Variants in DIP2C observed in about 807,000 individuals in gnomAD.
DIP2C encodes the protein disco-interacting protein 2 homolog C.
Under a neutral mutation model 192.4 loss-of-function variants are expected in DIP2C, and 33 were observed. The observed-to-expected ratio is 0.17, with a 90% CI of 0.13 to 0.23. The LOEUF (loss-of-function observed/expected upper bound fraction) is 0.23, where lower values mean the gene tolerates loss of function less well. Ranked by LOEUF, DIP2C falls within the 10% of genes least tolerant of loss-of-function variation. The pLI is 1.00. For missense variants in DIP2C, 1,537 were observed against 2,110.1 expected, an observed-to-expected ratio of 0.73 and a Z score of 5.32; for synonymous variants, 979 against 864.1, an observed-to-expected ratio of 1.13 and a Z score of -2.33.
rs1847047212 is a variant in DIP2C at position 526,313 on chromosome 10, T to C, written c.86-39783A>G. ...GCTAAATACTTGAAGGTGTGAATTT[T>C]ATTACATAAAATTTAGAAAAATGTG... On this transcript the variant is annotated intron_variant, in intron 1 of 36. Transcript: ENST00000280886. 2.0e-5 allele frequency among the ~76,000 whole-genome samples: 3 copies of C among 152,246 alleles called. No individual in the cohort carries two copies. In the South Asian group the frequency reaches 6.2e-4, roughly 31 times the overall value.
chr10:576,305 C>T (rs1253419669), intron 1 of DIP2C, among the ~76,000 whole-genome samples: 1 of 152,244 alleles, frequency 6.6e-6, no homozygotes, highest in Non-Finnish European at 1.5e-5. Context: ...GACCACATCA[C>T]ACTCGAGCAC....
intron 1 of DIP2C, among the ~76,000 whole-genome samples, chr10:603,722 T>C (rs1434225551): frequency 6.6e-6 from 1 of 152,176 alleles, no homozygotes; most frequent in African/African-American, 2.4e-5. Flanking sequence ...ATAGATACAA[T>C]GCATTAACTT....
At chr10:627,112 G>C (rs888003005) in intron 1 of DIP2C, among the ~76,000 whole-genome samples, 1 of 152,274 alleles carries the variant, frequency 6.6e-6, no homozygotes, top group Non-Finnish European at 1.5e-5. Flanking sequence ...GGGGCTCAGA[G>C]ATGGGTGGTC....
At chr10:548,377 C>G (rs1409852517) in intron 1 of DIP2C, among the ~76,000 whole-genome samples, 1 of 144,676 alleles carries the variant, frequency 6.9e-6, no homozygotes, top group Non-Finnish European at 1.5e-5. Context: ...GAGCAGAAGA[C>G]GGGAAAAGAG....
In DIP2C at chr10:567,200, T is replaced by G. The variant is rs568037561; in HGVS notation, c.86-80670A>C. 0.01 allele frequency among the ~76,000 whole-genome samples: 873 copies of G among 87,114 alleles called. 11 individuals carry two copies. The African/African-American group carries it at 0.12, about 12-fold the overall frequency. The allele number at this position is 87,114 out of a possible 152,430, so 57.2% of individuals were successfully genotyped here. A position where few individuals can be genotyped will look rare whatever the true frequency, so the allele number is the denominator to read the frequency against. ...TGGGGGGTTTTTTGTTTTGTTTTGTTTTTTTTAAGACACAATATCACTCTG... is the reference window on the plus strand; with the variant it reads ...TGGGGGGTTTTTTGTTTTGTTTTGTGTTTTTTAAGACACAATATCACTCTG... On this transcript the variant is annotated intron_variant, in intron 1 of 36. Transcript: ENST00000280886.
At chr10:289,243 G>C (rs1489858582) in intron 32 of DIP2C, among the ~76,000 whole-genome samples, 1 of 150,320 alleles carries the variant, frequency 6.7e-6, no homozygotes, top group Non-Finnish European at 1.5e-5. Flanking sequence ...GGGCTCCTGA[G>C]ACACCCTTCC....
At chr10:394,260 A>C (rs1963754789) in intron 10 of DIP2C, among the ~76,000 whole-genome samples, 2 of 152,114 alleles carry the variant, frequency 1.3e-5, no homozygotes, top group Admixed American at 1.3e-4. Flanking sequence ...CCTGTGCTGA[A>C]CCGGAAGGAC....
At chr10:545,616 C>CA (rs1374152545) in intron 1 of DIP2C, among the ~76,000 whole-genome samples, 4 of 152,202 alleles carry the variant, frequency 2.6e-5, no homozygotes, top group Admixed American at 2.0e-4. Flanking sequence ...CCCAGGCTTC[C>CA]AGCCTCCAGA....
At chr10:672,524 C>T (rs1476795741) in intron 1 of DIP2C, among the ~76,000 whole-genome samples, 1 of 152,222 alleles carries the variant, frequency 6.6e-6, no homozygotes. Context: ...TCAAATGCGG[C>T]TGCAATCCCT....
intron 18 of DIP2C, among the ~76,000 whole-genome samples, chr10:367,757 C>T (rs960244695): frequency 1.3e-5 from 2 of 152,216 alleles, no homozygotes; most frequent in Non-Finnish European, 2.9e-5. Flanking sequence ...TTGAGAACAC[C>T]GCGGAGCTCG....
At chr10:302,653 C>T (rs188442252) in intron 32 of DIP2C, among the ~76,000 whole-genome samples, 1 of 152,334 alleles carries the variant, frequency 6.6e-6, no homozygotes, top group East Asian at 1.9e-4. Flanking sequence ...GCCTCCTACG[C>T]TCCTATGCTG....
chr10:499,088 G>T (rs1845050613), intron 1 of DIP2C, among the ~76,000 whole-genome samples: 1 of 152,152 alleles, frequency 6.6e-6, no homozygotes, highest in South Asian at 2.1e-4. Flanking sequence ...TCCTTTTTCA[G>T]ACTTTGAAAA....
At chr10:359,861 T>C (rs1411502473) in intron 22 of DIP2C, among the ~76,000 whole-genome samples, 1 of 152,188 alleles carries the variant, frequency 6.6e-6, no homozygotes, top group Non-Finnish European at 1.5e-5. Flanking sequence ...GCTCCACTGA[T>C]TCTCCCATCC....
At chr10:297,192 A>AAAAAC (rs1331191292) in intron 32 of DIP2C, among the ~76,000 whole-genome samples, 44 of 151,426 alleles carry the variant, frequency 2.9e-4, no homozygotes, top group South Asian at 1.5e-3. Flanking sequence ...AGACTGTCTC[A>AAAAAC]AAAACAAAAC....
Position 397,589 on chromosome 10 carries a change from T to C in DIP2C, c.1260+1520A>G, listed in dbSNP as rs975211676. Reference sequence around the variant, plus strand: ...TTTAAGGGCAGTGTGCACAGGCACATTGCAGGTTCAGACCTGGGCAGTCCC... The same window carrying C: ...TTTAAGGGCAGTGTGCACAGGCACACTGCAGGTTCAGACCTGGGCAGTCCC... On this transcript the variant is annotated intron_variant, in intron 10 of 36. Coordinates refer to ENST00000280886, the MANE Select transcript of DIP2C (RefSeq NM_014974.3). 5.6e-4 allele frequency among the ~76,000 whole-genome samples: 84 copies of C among 151,000 alleles called. 1 individual carries two copies. The highest frequency in any genetic ancestry group is 2.6e-4 in the Admixed American group (4 of 15,192).
intron 1 of DIP2C, among the ~76,000 whole-genome samples, chr10:565,759 C>T (rs890805095): frequency 1.3e-5 from 2 of 152,232 alleles, no homozygotes; most frequent in African/African-American, 2.4e-5. Context: ...AGTCGCGTAA[C>T]GGAGTCGAGC....
intron 1 of DIP2C, among the ~76,000 whole-genome samples, chr10:600,368 T>TC (rs1267069229): frequency 2.0e-5 from 3 of 150,836 alleles, no homozygotes; most frequent in Admixed American, 2.0e-4. Flanking sequence ...AATAAGAGTG[T>TC]CCCAAAGCCT....
chr10:632,386 C>T (rs951062055), intron 1 of DIP2C, among the ~76,000 whole-genome samples: 15 of 150,596 alleles, frequency 1.0e-4, no homozygotes, highest in African/African-American at 2.9e-4. Flanking sequence ...ATGCGGGCAC[C>T]GGTGTGAACC....
chr10:353,282 GA>G (rs1010910190), intron 24 of DIP2C, among the ~76,000 whole-genome samples: 16 of 151,062 alleles, frequency 1.1e-4, no homozygotes, highest in Admixed American at 2.0e-4. Context: ...CAACTTGGGG[GA>G]AAAAAAACCC....
Sources: gnomAD v4.1 joint callset for allele counts (sites outside exome capture counted in the v4.1 genomes callset) on GRCh38, gnomAD v4.1.1 for gene constraint, MANE v1.5 for transcripts, NCBI Gene and HGNC (gene_info 2026-07-23, HGNC 2026-07-21) for gene names.